TECTA: variants seen among roughly 807,000 people sequenced by gnomAD.
TECTA encodes the protein alpha-tectorin.
In TECTA, 128 loss-of-function variants were observed where a neutral mutation model predicts 216.8. That is an observed-to-expected ratio of 0.59 (90% CI 0.51 to 0.68). The LOEUF (loss-of-function observed/expected upper bound fraction) is 0.68, where lower values mean the gene tolerates loss of function less well. Ranked by LOEUF, TECTA falls within the 30% of genes least tolerant of loss-of-function variation. The pLI, the probability that TECTA is intolerant of heterozygous loss-of-function variation, is 0.00. For missense variants in TECTA, 2,551 were observed against 2,786.2 expected (o/e 0.92, Z 1.90); for synonymous variants, 1,089 against 1,117.1 (o/e 0.97, Z 0.50).
chr11:121,150,319 ATCCT>A (rs1253951409), intron 12 of TECTA, among the ~76,000 whole-genome samples: 3 of 152,268 alleles, frequency 2.0e-5, no homozygotes, highest in African/African-American at 7.2e-5. Flanking sequence ...GAAAAGCTAA[ATCCT>A]TCCTTCATTT....
At chr11:121,132,817 G>C (rs1056501146) in intron 10 of TECTA, among the ~76,000 whole-genome samples, 1 of 152,150 alleles carries the variant, frequency 6.6e-6, no homozygotes, top group Non-Finnish European at 1.5e-5. Context: ...CCCCCACCAG[G>C]TTCAAGCAAT....
intron 10 of TECTA, among the ~76,000 whole-genome samples, chr11:121,132,042 A>C (rs1434053048): frequency 6.6e-6 from 1 of 152,154 alleles, no homozygotes; most frequent in Non-Finnish European, 1.5e-5. Flanking sequence ...AAATACTTTA[A>C]ATTTAGGTAG....
Position 121,166,637 on chromosome 11 carries a change from A to G in TECTA, c.5443A>G (p.Ile1815Val), listed in dbSNP as rs1565535591. 1 of 1,614,238 alleles carries G rather than the reference A, an allele frequency of 6.2e-7. No individual in the cohort carries two copies. Among genetic ancestry groups the G allele is most frequent in the Non-Finnish European group, 8.5e-7 (1 of 1,180,052 alleles). The change falls in exon 18 of 24, where the codon ATA becomes GTA. Residue 1815 changes from isoleucine to valine, a missense_variant. Physicochemically the swap from Ile to Val is conservative, Grantham distance 29. Transcript: ENST00000392793. Reference protein sequence around the residue: ...TCKAAQMEVSISKCKLFQLGF... With the variant: ...TCKAAQMEVSVSKCKLFQLGF... ...CAAAGCAGCCCAAATGGAAGTGTCCATATCTAAGTGCAAGCTCTTCCAGCT... is the reference window on the plus strand; with the variant it reads ...CAAAGCAGCCCAAATGGAAGTGTCCGTATCTAAGTGCAAGCTCTTCCAGCT...
intron 17 of TECTA, among the ~76,000 whole-genome samples, chr11:121,166,154 T>C (rs1231834292): frequency 6.6e-6 from 1 of 152,142 alleles, no homozygotes; most frequent in Non-Finnish European, 1.5e-5. Flanking sequence ...TGGGAATCAC[T>C]AGGGTTCTGC....
chr11:121,187,042 G>T (rs1947295048), intron 20 of TECTA, among the ~76,000 whole-genome samples: 1 of 152,186 alleles, frequency 6.6e-6, no homozygotes, highest in Non-Finnish European at 1.5e-5. Flanking sequence ...ATTTGTTTGT[G>T]CCTGGTCCGG....
Position 121,178,025 on chromosome 11 carries a change from G to A in TECTA, c.5999+9100G>A, listed in dbSNP as rs368722878. 3.7e-4 allele frequency among the ~76,000 whole-genome samples: 57 copies of A among 152,322 alleles called. 2 individuals carry two copies. In the South Asian group the frequency reaches 4.8e-3, roughly 13 times the overall value. On this transcript the variant is annotated intron_variant, in intron 20 of 23. Coordinates refer to ENST00000392793, the MANE Select transcript of TECTA (RefSeq NM_005422.4). ...TCCTGATGCGCTGTTTTTTAAGCCC[G>A]TCGGAAAAGCGCAGTATTGGGGTGG... is the stretch of plus-strand genomic sequence containing the variant.
intron 11 of TECTA, among the ~76,000 whole-genome samples, chr11:121,138,521 T>A (rs953323484): frequency 6.6e-5 from 10 of 152,200 alleles, no homozygotes; most frequent in Admixed American, 6.5e-4. Context: ...TCTCTCCTGG[T>A]CCCTTTTGGC....
In TECTA at chr11:121,158,046, G is replaced by T; in HGVS notation, c.4511G>T (p.Arg1504Leu). Reference protein sequence around the residue: ...VFRTFDGAFLRFPANCAFVLS... With the variant: ...VFRTFDGAFLLFPANCAFVLS... ...CGCACCTTCGACGGCGCCTTCCTGCGCTTCCCAGCCAACTGCGCCTTCGTG... is the reference window on the plus strand; with the variant it reads ...CGCACCTTCGACGGCGCCTTCCTGCTCTTCCCAGCCAACTGCGCCTTCGTG... The change falls in exon 14 of 24, where the codon CGC (arginine) becomes CTC (leucine). Residue 1504 changes from arginine (R) to leucine (L), a missense_variant. Arg to Leu is a moderately radical substitution (Grantham distance 102). Coordinates refer to ENST00000392793, the MANE Select transcript of TECTA (RefSeq NM_005422.4). 1 of 1,613,438 alleles carries T rather than the reference G, an allele frequency of 6.2e-7. No homozygotes were observed.
At chr11:121,175,784 C>T (rs932967356) in intron 20 of TECTA, among the ~76,000 whole-genome samples, 5 of 151,298 alleles carry the variant, frequency 3.3e-5, no homozygotes, top group African/African-American at 7.3e-5. Flanking sequence ...CTAATGTTGA[C>T]GGGGTGTTAA....
chr11:121,125,854 C>T lies in TECTA; in HGVS notation c.1756C>T (p.Arg586Ter), dbSNP rs764994708. 25 of 1,609,764 alleles carry T rather than the reference C, an allele frequency of 1.6e-5. No homozygotes were observed. Among genetic ancestry groups the T allele is most frequent in the Non-Finnish European group, 2.0e-5 (24 of 1,179,992 alleles). Residue 586 changes from arginine (R) to a stop codon, truncating the protein, a stop_gained, in exon 8 of 24, where the codon CGA becomes TGA. Coordinates refer to ENST00000392793, the MANE Select transcript of TECTA (RefSeq NM_005422.4). LOFTEE classifies it high-confidence loss of function. ...CCTTGGCATTCCAATTGGAGACTGG[C>T]GAACCCAGACTGGGTGTGGTAAGCT... is the stretch of plus-strand genomic sequence containing the variant. ...QALGIPIGDW[R>*]TQTGCVSTVQ...
intron 7 of TECTA, among the ~76,000 whole-genome samples, chr11:121,119,336 G>C (rs1301981781): frequency 6.6e-6 from 1 of 152,062 alleles, no homozygotes; most frequent in Non-Finnish European, 1.5e-5. Flanking sequence ...TCCCATGAAA[G>C]CTCTGCCCAG....
chr11:121,137,972 G>A lies in TECTA; in HGVS notation c.3493G>A (p.Val1165Met), dbSNP rs373132598. Residue 1165 changes from valine to methionine, a missense_variant, in exon 11 of 24, where the codon GTG becomes ATG. By Grantham distance (21) the Val-to-Met change is conservative. Around this residue, in one of 3 missense-constraint regions of TECTA, gnomAD observed 2,375 missense variants for 2,563.9 expected, o/e 0.93. Coordinates refer to ENST00000392793, the MANE Select transcript of TECTA (RefSeq NM_005422.4). Reference protein sequence around the residue: ...ALWVKQVDVTVFGYSIVIHRA... With the variant: ...ALWVKQVDVTMFGYSIVIHRA... ...GTGGGTTAAGCAGGTGGACGTGACC[G>A]TGTTTGGCTACAGCATCGTGATCCA... The A allele has an allele frequency of 2.3e-5, 37 of 1,613,124 alleles. No individual in the cohort carries two copies. The highest frequency in any genetic ancestry group is 1.6e-4 in the Middle Eastern group (1 of 6,084).
At chr11:121,189,318 TC>T (rs1322103589) in intron 22 of TECTA, 151 bp downstream of exon 22, 3 of 742,734 alleles carry the variant, frequency 4.0e-6, no homozygotes, top group African/African-American at 3.5e-5. Context: ...CTTAAAGACA[TC>T]TTTTCATTTA....
Position 121,189,804 on chromosome 11 carries a change from T to G in TECTA, c.6291T>G (p.Ile2097Met). 1 of 1,614,018 alleles carries G rather than the reference T, an allele frequency of 6.2e-7. No homozygotes were observed. Among genetic ancestry groups the G allele is most frequent in the Non-Finnish European group, 8.5e-7 (1 of 1,179,966 alleles). Residue 2097 changes from isoleucine (I) to methionine (M), a missense_variant, in exon 23 of 24, where the codon ATT (isoleucine) becomes ATG (methionine). Around this residue, in one of 3 missense-constraint regions of TECTA, gnomAD observed 118 missense variants for 116.4 expected, o/e 1.01. Coordinates refer to ENST00000392793, the MANE Select transcript of TECTA (RefSeq NM_005422.4). ...WCEDNGGCEQ[I>M]CTSRVDGPLC... ...AGGACAATGGAGGGTGTGAGCAGAT[T>G]TGCACGAGCCGGGTGGATGGGCCTC...
At position 121,102,836 on chromosome 11, in the gene TECTA, A is replaced by G. The variant is rs1946359014; in HGVS notation, c.64+107A>G. The G allele has an allele frequency of 1.9e-5, 18 of 924,796 alleles. No individual in the cohort carries two copies. The South Asian group carries it at 2.5e-4, about 13-fold the overall frequency. 57.3% of individuals were successfully genotyped at this position (924,796 alleles called of 1,614,324 possible). A position where few individuals can be genotyped will look rare whatever the true frequency, so the allele number is the denominator to read the frequency against. On this transcript the variant is annotated intron_variant, in intron 2 of 23. Coordinates refer to ENST00000392793, the MANE Select transcript of TECTA (RefSeq NM_005422.4). ...TGTAAGGGCAGGTGCATGTGTGTCT[A>G]CAGATACAAGAGAAAAATGTAATTA...
chr11:121,129,099 C>T (rs1946645750), intron 9 of TECTA, among the ~76,000 whole-genome samples: 1 of 152,110 alleles, frequency 6.6e-6, no homozygotes, highest in Non-Finnish European at 1.5e-5. Context: ...TAATAAAATA[C>T]GCATCCACAA....
At chr11:121,134,418 G>T (rs1946705728) in intron 10 of TECTA, among the ~76,000 whole-genome samples, 1 of 152,036 alleles carries the variant, frequency 6.6e-6, no homozygotes, top group African/African-American at 2.4e-5. Context: ...AGAGCTTAGT[G>T]GTTGTCATCT....
At chr11:121,163,946 C>A (rs977893403) in intron 16 of TECTA, among the ~76,000 whole-genome samples, 1 of 152,172 alleles carries the variant, frequency 6.6e-6, no homozygotes, top group African/African-American at 2.4e-5. Context: ...TAAAAGAGAG[C>A]TTTTTGAAAA....
At chr11:121,153,202 A>T in intron 13 of TECTA, 122 bp downstream of exon 13, 4 of 1,141,730 alleles carry the variant, frequency 3.5e-6, no homozygotes, top group Non-Finnish European at 5.0e-6. Context: ...TGTTCGTGGC[A>T]GGGGAATGGG....
Sources: allele counts gnomAD v4.1 joint callset (sites outside exome capture counted in the v4.1 genomes callset), GRCh38; gene constraint gnomAD v4.1.1; regional missense constraint gnomAD v4.1.1; transcripts MANE v1.5; gene names NCBI Gene and HGNC (gene_info 2026-07-23, HGNC 2026-07-21).